Variants in GTF2IRD1 observed in about 807,000 individuals in gnomAD.
GTF2IRD1 encodes GTF2I repeat domain containing 1, also known as general transcription factor II-I repeat domain-containing protein 1.
GTF2IRD1 carries 26 observed loss-of-function variants against 113.2 expected under a neutral mutation model. The ratio of observed to expected loss-of-function variants is 0.23; its 90% CI spans 0.17 to 0.32. The LOEUF (loss-of-function observed/expected upper bound fraction) is 0.32, where lower values mean the gene tolerates loss of function less well. Among genes scored for constraint, GTF2IRD1 ranks in the 10% least tolerant of loss-of-function variants. The pLI, the probability that GTF2IRD1 is intolerant of heterozygous loss-of-function variation, is 1.00. For synonymous variants in GTF2IRD1, 484 were observed against 529.1 expected, an observed-to-expected ratio of 0.91 and a Z score of 1.17; for missense variants, 864 against 1,280.8, an observed-to-expected ratio of 0.67 and a Z score of 4.97.
intron 1 of GTF2IRD1, among the ~76,000 whole-genome samples, chr7:74,483,569 G>A (rs1233790800): frequency 6.6e-6 from 1 of 151,954 alleles, no homozygotes; most frequent in Non-Finnish European, 1.5e-5. Context: ...TAAAAATCAG[G>A]CATGGCAGCA....
intron 1 of GTF2IRD1, among the ~76,000 whole-genome samples, chr7:74,484,025 G>C (rs1257936195): frequency 6.6e-6 from 1 of 152,164 alleles, no homozygotes. Context: ...CCCTCTGAGA[G>C]GCCTTGATAA....
chr7:74,494,483 G>A (rs919089340), intron 1 of GTF2IRD1, among the ~76,000 whole-genome samples: 10 of 152,190 alleles, frequency 6.6e-5, no homozygotes, highest in East Asian at 1.9e-4. Flanking sequence ...GAAGTCTAGC[G>A]CCTTTGGGGA....
intron 4 of GTF2IRD1, among the ~76,000 whole-genome samples, chr7:74,516,730 G>T (rs116725336): frequency 6.6e-6 from 1 of 152,186 alleles, no homozygotes; most frequent in Non-Finnish European, 1.5e-5. Context: ...ATGGTTGGCT[G>T]TGCCTCTGTC....
chr7:74,513,415 C>T (rs1554343612), intron 3 of GTF2IRD1, among the ~76,000 whole-genome samples: 1 of 152,184 alleles, frequency 6.6e-6, no homozygotes, highest in East Asian at 1.9e-4. Flanking sequence ...AAGTGATTCT[C>T]CTGCCTCAGC....
At chr7:74,460,924 G>C (rs1424597971) in intron 1 of GTF2IRD1, among the ~76,000 whole-genome samples, 1 of 152,118 alleles carries the variant, frequency 6.6e-6, no homozygotes, top group Non-Finnish European at 1.5e-5. Context: ...TTGCCATGCT[G>C]CCACCTGAGG....
Position 74,518,067 on chromosome 7 carries a change from G to A in GTF2IRD1, c.422-72G>A, listed in dbSNP as rs587633107. 6 of 1,147,144 alleles carry A rather than the reference G, an allele frequency of 5.2e-6. No individual in the cohort carries two copies. The South Asian group carries it at 7.3e-5, about 14-fold the overall frequency. 71.1% of individuals were successfully genotyped at this position (1,147,144 alleles called of 1,614,324 possible). ...GCCACTCAGCACTGCCCCCACTCTG[G>A]GGCACAGCAGCCCCGACCCCAGCCT... On this transcript the variant is annotated intron_variant, in intron 4 of 26. Coordinates refer to ENST00000424337, the MANE Select transcript of GTF2IRD1 (RefSeq NM_005685.4).
Position 74,512,397 on chromosome 7 carries a change from G to C in GTF2IRD1, c.124-433G>C, listed in dbSNP as rs576633438. On this transcript the variant is annotated intron_variant, in intron 2 of 26. Coordinates refer to ENST00000424337, the MANE Select transcript of GTF2IRD1 (RefSeq NM_005685.4). The surrounding 1 kb of genome is among the most constrained non-coding windows in gnomAD (Gnocchi z 4.4). ...TGTGGAAACTGGAGCCCAGAGGAGGGACGTGACTTGCTCAAGTCCCACAGC... is the reference window on the plus strand; with the variant it reads ...TGTGGAAACTGGAGCCCAGAGGAGGCACGTGACTTGCTCAAGTCCCACAGC... Among the ~76,000 whole-genome samples the C allele has an allele frequency of 6.6e-6, 1 of 152,140 alleles. No homozygotes were observed. The highest frequency in any genetic ancestry group is 1.5e-5 in the Non-Finnish European group (1 of 68,024).
chr7:74,461,973 G>A (rs1335987610), intron 1 of GTF2IRD1, among the ~76,000 whole-genome samples: 2 of 152,102 alleles, frequency 1.3e-5, no homozygotes, highest in African/African-American at 2.4e-5. Context: ...TCCAACCCCC[G>A]TCAAGACATA....
At chr7:74,516,461 A>G (rs1007716728) in intron 4 of GTF2IRD1, among the ~76,000 whole-genome samples, 1 of 152,228 alleles carries the variant, frequency 6.6e-6, no homozygotes, top group Non-Finnish European at 1.5e-5. Flanking sequence ...TCCCTTGGGA[A>G]GCGTCAGGTT....
chr7:74,514,206 T>C (rs1370638711), intron 3 of GTF2IRD1, among the ~76,000 whole-genome samples: 1 of 152,050 alleles, frequency 6.6e-6, no homozygotes, highest in African/African-American at 2.4e-5. Context: ...GTTACTATTA[T>C]TAGTATTCAC....
In GTF2IRD1 at chr7:74,555,319, T is replaced by A. The variant is rs1554356403; in HGVS notation, c.1966+96T>A. On this transcript the variant is annotated intron_variant, in intron 18 of 26. Transcript: ENST00000424337. This position sits in a 1 kb window ranked among gnomAD's most constrained non-coding sequence, Gnocchi z 5.3. Reference sequence around the variant, plus strand: ...CCTCCTCCTGCTGCCTCTGTCCTGCTCCCATCCTGGCCCTGGCATTCTCCC... The same window carrying A: ...CCTCCTCCTGCTGCCTCTGTCCTGCACCCATCCTGGCCCTGGCATTCTCCC... The A allele has an allele frequency of 6.8e-7, 1 of 1,467,152 alleles. No individual in the cohort carries two copies. The highest frequency in any genetic ancestry group is 1.7e-5 in the Admixed American group (1 of 59,376). 90.9% of individuals were successfully genotyped at this position (1,467,152 alleles called of 1,614,324 possible). A position where few individuals can be genotyped will look rare whatever the true frequency, so the allele number is the denominator to read the frequency against.
intron 22 of GTF2IRD1, among the ~76,000 whole-genome samples, chr7:74,578,562 T>C (rs192899350): frequency 2.0e-5 from 3 of 152,354 alleles, no homozygotes; most frequent in Admixed American, 2.0e-4. Flanking sequence ...GACATAATGC[T>C]GAAGTGTGTA....
intron 22 of GTF2IRD1, among the ~76,000 whole-genome samples, chr7:74,574,407 G>C (rs1800884652): frequency 6.6e-6 from 1 of 150,984 alleles, no homozygotes; most frequent in African/African-American, 2.4e-5. Context: ...GTTTCCCAAA[G>C]TGCTGGGATT....
intron 1 of GTF2IRD1, among the ~76,000 whole-genome samples, chr7:74,480,552 C>T (rs1554334432): frequency 1.3e-5 from 2 of 152,178 alleles, no homozygotes; most frequent in Non-Finnish European, 2.9e-5. Flanking sequence ...CACGCAGGCC[C>T]GCGTCAGGAC....
chr7:74,503,287 C>T (rs959536061), intron 1 of GTF2IRD1, among the ~76,000 whole-genome samples: 15 of 152,138 alleles, frequency 9.9e-5, no homozygotes, highest in Non-Finnish European at 1.6e-4. Context: ...AGCTACCAGC[C>T]GTCCTTGCTT....
At chr7:74,521,132 C>A in intron 6 of GTF2IRD1, 76 bp from the exon 7 acceptor site, 2 of 807,618 alleles carry the variant, frequency 2.5e-6, no homozygotes, top group South Asian at 1.4e-5. Flanking sequence ...AGAGCCAGGG[C>A]CTGTGCACTG....
intron 22 of GTF2IRD1, among the ~76,000 whole-genome samples, chr7:74,573,867 C>T (rs1435517998): frequency 5.9e-5 from 9 of 152,144 alleles, no homozygotes; most frequent in African/African-American, 2.2e-4. Context: ...CAACAGAGGC[C>T]TTGGGGGCGC....
chr7:74,594,781 G>A (rs1362845377), intron 24 of GTF2IRD1, among the ~76,000 whole-genome samples: 9 of 151,414 alleles, frequency 5.9e-5, no homozygotes, highest in African/African-American at 1.9e-4. Context: ...GTGAAACCCC[G>A]TCTCTACTAA....
At chr7:74,494,994 A>T (rs1222714612) in intron 1 of GTF2IRD1, among the ~76,000 whole-genome samples, 1 of 152,196 alleles carries the variant, frequency 6.6e-6, no homozygotes, top group South Asian at 2.1e-4. Flanking sequence ...GCCTCAAGCA[A>T]TCCTTCTGCC....
Sources: gnomAD v4.1 joint callset for allele counts (sites outside exome capture counted in the v4.1 genomes callset) on GRCh38, gnomAD v4.1.1 for gene constraint, Gnocchi (gnomAD v3.1) non-coding constraint, MANE v1.5 for transcripts, NCBI Gene and HGNC (gene_info 2026-07-23, HGNC 2026-07-21) for gene names.